PCDHGB1: variants seen among roughly 807,000 people sequenced by gnomAD.
The protein encoded by PCDHGB1 is protocadherin gamma subfamily B, 1.
Under a neutral mutation model 56.6 loss-of-function variants are expected in PCDHGB1, and 34 were observed. The observed-to-expected ratio is 0.60, with a 90% CI of 0.46 to 0.80. The LOEUF is 0.80. PCDHGB1 is among the 30% of genes least tolerant of loss of function. PCDHGB1 has a pLI of 0.00. For synonymous variants in PCDHGB1, 561 were observed against 505.9 expected (o/e 1.11, Z -1.46); for missense variants, 1,278 against 1,204.6 (o/e 1.06, Z -0.90).
chr5:141,471,208 C>G (rs559571022), intron 1 of PCDHGB1: 1 of 151,664 alleles, frequency 6.6e-6, no homozygotes, highest in Non-Finnish European at 1.5e-5. Context: ...CACCCCCATG[C>G]CTGGCAATTT....
intron 1 of PCDHGB1, among the ~76,000 whole-genome samples, chr5:141,358,057 G>A (rs2149799917): frequency 6.6e-6 from 1 of 152,298 alleles, no homozygotes; most frequent in East Asian, 1.9e-4. Flanking sequence ...AGGCGTGGTG[G>A]TGTGTGCCCG....
intron 1 of PCDHGB1, chr5:141,377,947 G>A (rs1280441389): frequency 1.3e-5 from 2 of 152,286 alleles, no homozygotes; most frequent in Middle Eastern, 3.4e-3. Flanking sequence ...TATAGAGTGT[G>A]TATCCAGGGC....
chr5:141,484,530 A>G (rs1406516272), intron 1 of PCDHGB1, among the ~76,000 whole-genome samples: 1 of 152,200 alleles, frequency 6.6e-6, no homozygotes, highest in East Asian at 1.9e-4. Context: ...TTTTGAGTAT[A>G]TGGCAGTGGT....
intron 2 of PCDHGB1, among the ~76,000 whole-genome samples, chr5:141,497,642 C>T (rs1426920174): frequency 1.3e-5 from 2 of 151,352 alleles, no homozygotes; most frequent in Middle Eastern, 3.4e-3. Context: ...CAGGTTCAAG[C>T]GATTCTCCTG....
In PCDHGB1 at chr5:141,509,341, G is replaced by C. The variant is rs552337350; in HGVS notation, c.2558-1606G>C. Among the ~76,000 whole-genome samples, 4 of 152,290 alleles carry C rather than the reference G, an allele frequency of 2.6e-5. No homozygotes were observed. The East Asian group carries it at 7.7e-4, about 29-fold the overall frequency. On this transcript the variant is annotated intron_variant, in intron 3 of 3. Transcript: ENST00000523390. ...GAAGCTCTACTGCCAGCTGGGCCTG[G>C]GCTGGCCTGGGCATCCCTGAGGTTT...
At chr5:141,411,783 G>C (rs1191623081) in intron 1 of PCDHGB1, 1 of 152,338 alleles carries the variant, frequency 6.6e-6, no homozygotes, top group Non-Finnish European at 1.5e-5. Context: ...TCTGGTGGCT[G>C]TGGTGGGAGA....
At chr5:141,376,602 A>T in intron 1 of PCDHGB1, 1 of 1,521,112 alleles carries the variant, frequency 6.6e-7, no homozygotes, top group Non-Finnish European at 8.9e-7. Flanking sequence ...CTGTTATAGA[A>T]GCGAACCTCT....
In PCDHGB1 at chr5:141,351,505, C is replaced by A. The variant is rs780867267; in HGVS notation, c.1245C>A (p.Asn415Lys). ...ACCGGGAGCAGACAGCAGACTACAA[C>A]GTCACAATCATAGCCACCGACAAGG... is the stretch of plus-strand genomic sequence containing the variant. ...ALNREQTADY[N>K]VTIIATDKGK... Residue 415 changes from asparagine to lysine, a missense_variant, in exon 1 of 4, where the codon AAC becomes AAA. Asn to Lys is a moderately conservative substitution (Grantham distance 94). Coordinates refer to ENST00000523390, the MANE Select transcript of PCDHGB1 (RefSeq NM_018922.3). The A allele has an allele frequency of 6.2e-7, 1 of 1,614,000 alleles. No individual in the cohort carries two copies. The highest frequency in any genetic ancestry group is 8.5e-7 in the Non-Finnish European group (1 of 1,179,888).
chr5:141,470,369 T>C (rs751264270), intron 1 of PCDHGB1, among the ~76,000 whole-genome samples: 2 of 152,226 alleles, frequency 1.3e-5, no homozygotes, highest in Non-Finnish European at 1.5e-5. Context: ...TTAGGTTGAA[T>C]GGAAAGACTA....
At chr5:141,384,834 C>G (rs369584315) in intron 1 of PCDHGB1, 2 of 1,613,478 alleles carry the variant, frequency 1.2e-6, no homozygotes, top group Non-Finnish European at 1.7e-6. Flanking sequence ...TCGTGGTGGC[C>G]GTCCAGGACC....
At chr5:141,416,010 A>T (rs968655183) in intron 1 of PCDHGB1, 5 of 245,908 alleles carry the variant, frequency 2.0e-5, no homozygotes, top group Non-Finnish European at 3.0e-5. Flanking sequence ...TGGTAAGAAT[A>T]GGTAAGTATC....
Position 141,350,161 on chromosome 5 carries a change from A to G in PCDHGB1, c.-100A>G. 1 of 1,109,726 alleles carries G rather than the reference A, an allele frequency of 9.0e-7. No individual in the cohort carries two copies. Among genetic ancestry groups the G allele is most frequent in the South Asian group, 2.6e-5 (1 of 38,886 alleles). 68.7% of individuals were successfully genotyped at this position (1,109,726 alleles called of 1,614,324 possible). On this transcript the variant is annotated 5_prime_UTR_variant, in exon 1 of 4. Transcript: ENST00000523390. Reference sequence around the variant, plus strand: ...TGCTCCTGTTCACCCTCGAGCGCCTAACTAATAAGTCCTAAGCTCAAATCA... The same window carrying G: ...TGCTCCTGTTCACCCTCGAGCGCCTGACTAATAAGTCCTAAGCTCAAATCA...
intron 1 of PCDHGB1, chr5:141,400,377 A>G: frequency 1.2e-6 from 2 of 1,613,892 alleles, no homozygotes; most frequent in Non-Finnish European, 1.7e-6. Flanking sequence ...CCTACAACCT[A>G]TGTGTTGCAC....
chr5:141,361,085 T>C (rs1370734809), intron 1 of PCDHGB1: 1 of 1,613,896 alleles, frequency 6.2e-7, no homozygotes, highest in Non-Finnish European at 8.5e-7. Flanking sequence ...AGTTACACTC[T>C]GAGTATCGAA....
At chr5:141,381,878 G>A (rs1777712402) in intron 1 of PCDHGB1, among the ~76,000 whole-genome samples, 2 of 129,172 alleles carry the variant, frequency 1.5e-5, no homozygotes, top group South Asian at 4.9e-4. Flanking sequence ...TGTCCAGGCT[G>A]GAGTGCAATG....
intron 1 of PCDHGB1, chr5:141,357,307 G>C: frequency 6.2e-7 from 1 of 1,614,042 alleles, no homozygotes; most frequent in Non-Finnish European, 8.5e-7. Context: ...TGTCTCCTGC[G>C]TCTTCCTGGC....
chr5:141,506,506 C>T (rs1279198463), intron 3 of PCDHGB1, among the ~76,000 whole-genome samples: 2 of 151,030 alleles, frequency 1.3e-5, no homozygotes. Context: ...GATTCAAATC[C>T]TGGCACCTGG....
chr5:141,455,928 C>T (rs1160778812), intron 1 of PCDHGB1, among the ~76,000 whole-genome samples: 3 of 151,158 alleles, frequency 2.0e-5, no homozygotes, highest in African/African-American at 4.9e-5. Context: ...GACGGAGTCT[C>T]GCTCTGTCGC....
At chr5:141,409,920 C>G in intron 1 of PCDHGB1, 1 of 1,613,400 alleles carries the variant, frequency 6.2e-7, no homozygotes, top group Non-Finnish European at 8.5e-7. Flanking sequence ...GACGGCTCCG[C>G]GTTCTTCGAT....
Sources: allele counts gnomAD v4.1 joint callset (sites outside exome capture counted in the v4.1 genomes callset), GRCh38; gene constraint gnomAD v4.1.1; transcripts MANE v1.5; gene names NCBI Gene and HGNC (gene_info 2026-07-23, HGNC 2026-07-21).